Variants in PRKG1 observed in about 807,000 individuals in gnomAD.
PRKG1 encodes the protein cGMP-dependent protein kinase 1.
In PRKG1, 35 loss-of-function variants were observed where a neutral mutation model predicts 88.1. That is an observed-to-expected ratio of 0.40 (90% CI 0.30 to 0.53). PRKG1 has a LOEUF of 0.53. Ranked by LOEUF, PRKG1 falls within the 20% of genes least tolerant of loss-of-function variation. PRKG1 has a pLI of 0.59. For missense variants in PRKG1, 540 were observed against 839.8 expected, an observed-to-expected ratio of 0.64 and a Z score of 4.41; for synonymous variants, 303 against 292.5, an observed-to-expected ratio of 1.04 and a Z score of -0.37.
intron 9 of PRKG1, among the ~76,000 whole-genome samples, chr10:52,199,520 A>G (rs1187000480): frequency 6.6e-6 from 1 of 152,158 alleles, no homozygotes; most frequent in East Asian, 1.9e-4. Flanking sequence ...GAAAATTCCC[A>G]AAGAATGTAT....
intron 3 of PRKG1, among the ~76,000 whole-genome samples, chr10:51,659,849 T>G (rs1273284346): frequency 6.6e-6 from 1 of 152,092 alleles, no homozygotes; most frequent in Non-Finnish European, 1.5e-5. Context: ...ACTATAGCAG[T>G]GCTGACCAGT....
intron 5 of PRKG1, among the ~76,000 whole-genome samples, chr10:52,002,008 G>A (rs1008621070): frequency 6.6e-6 from 1 of 151,566 alleles, no homozygotes; most frequent in African/African-American, 2.4e-5. Context: ...TCCATGAAAA[G>A]GAAAGGAAAA....
chr10:51,912,757 C>T (rs1312627358), intron 5 of PRKG1, among the ~76,000 whole-genome samples: 1 of 151,948 alleles, frequency 6.6e-6, no homozygotes, highest in East Asian at 1.9e-4. Flanking sequence ...GTGATTTCTG[C>T]CATGGCCCAC....
intron 3 of PRKG1, among the ~76,000 whole-genome samples, chr10:51,747,971 G>T (rs1371716901): frequency 1.3e-5 from 2 of 152,194 alleles, no homozygotes; most frequent in African/African-American, 4.8e-5. Context: ...TTGAGGCCAA[G>T]TGAGGCCCTT....
intron 2 of PRKG1, among the ~76,000 whole-genome samples, chr10:51,200,630 T>C (rs1014393176): frequency 2.0e-5 from 3 of 152,242 alleles, no homozygotes; most frequent in Non-Finnish European, 4.4e-5. Context: ...TCATACATTG[T>C]TGGCACCCAA....
chr10:52,062,242 G>A (rs886642535), intron 6 of PRKG1, among the ~76,000 whole-genome samples: 1 of 152,076 alleles, frequency 6.6e-6, no homozygotes, highest in Non-Finnish European at 1.5e-5. Flanking sequence ...TATAGTGGTT[G>A]CTTCATAAAG....
intron 9 of PRKG1, among the ~76,000 whole-genome samples, chr10:52,167,590 T>G (rs1838520724): frequency 1.3e-5 from 2 of 151,794 alleles, no homozygotes; most frequent in Admixed American, 1.3e-4. Context: ...ATTCAATGTA[T>G]TTTGCTTTTA....
At chr10:52,276,121 C>T (rs145446593) in intron 12 of PRKG1, among the ~76,000 whole-genome samples, 329 of 152,152 alleles carry the variant, frequency 2.2e-3, no homozygotes, top group Middle Eastern at 6.8e-3. Flanking sequence ...ACGGTTATAT[C>T]GTCAGCAAAC....
At chr10:51,605,126 C>T (rs1028796442) in intron 3 of PRKG1, among the ~76,000 whole-genome samples, 1 of 152,178 alleles carries the variant, frequency 6.6e-6, no homozygotes, top group African/African-American at 2.4e-5. Flanking sequence ...GTTGTTCTGC[C>T]ATCACTGGTC....
At chr10:51,084,106 G>A (rs1168132266) in intron 1 of PRKG1, among the ~76,000 whole-genome samples, 1 of 152,176 alleles carries the variant, frequency 6.6e-6, no homozygotes, top group African/African-American at 2.4e-5. Flanking sequence ...AAACAGAATA[G>A]ATGTAATAAG....
chr10:52,082,234 G>T (rs1472021460), intron 7 of PRKG1, among the ~76,000 whole-genome samples: 2 of 152,224 alleles, frequency 1.3e-5, no homozygotes, highest in East Asian at 3.9e-4. Context: ...CTCCCATTGG[G>T]TCCCTCCCGC....
intron 4 of PRKG1, among the ~76,000 whole-genome samples, chr10:51,835,192 C>T (rs1296732809): frequency 7.9e-5 from 12 of 152,150 alleles, no homozygotes; most frequent in Admixed American, 1.3e-4. Context: ...CAATAGCTTC[C>T]GAAGTCTCTG....
chr10:51,646,586 G>T (rs542208636), intron 3 of PRKG1, among the ~76,000 whole-genome samples: 2 of 151,956 alleles, frequency 1.3e-5, no homozygotes, highest in Non-Finnish European at 2.9e-5. Flanking sequence ...TTTATGGACA[G>T]TTACATTAAA....
intron 1 of PRKG1, among the ~76,000 whole-genome samples, chr10:51,104,839 CCTG>C (rs564633646): frequency 1.9e-3 from 290 of 152,078 alleles, no homozygotes; most frequent in African/African-American, 5.3e-3. Context: ...AAGTGATTCT[CCTG>C]CCTCAGCCTC....
At chr10:51,942,343 T>C (rs1376635222) in intron 5 of PRKG1, among the ~76,000 whole-genome samples, 30 of 152,050 alleles carry the variant, frequency 2.0e-4, no homozygotes, top group Non-Finnish European at 4.3e-4. Context: ...TTGTAGATTC[T>C]AGATATTAGC....
chr10:51,740,067 G>A (rs1023075402), intron 3 of PRKG1, among the ~76,000 whole-genome samples: 2 of 151,932 alleles, frequency 1.3e-5, no homozygotes, highest in Non-Finnish European at 2.9e-5. Flanking sequence ...TCACTCAATC[G>A]CCCAGGCTGG....
At chr10:51,032,879 ATAG>A (rs1843302322) in intron 1 of PRKG1, among the ~76,000 whole-genome samples, 1 of 152,104 alleles carries the variant, frequency 6.6e-6, no homozygotes, top group South Asian at 2.1e-4. Context: ...TTGTGGGTAT[ATAG>A]TAGATGTATA....
chr10:51,093,224 T>C (rs373583566), intron 1 of PRKG1, among the ~76,000 whole-genome samples: 19 of 152,154 alleles, frequency 1.2e-4, no homozygotes, highest in African/African-American at 4.3e-4. Flanking sequence ...ACTCTTTGAA[T>C]CAGAAACTCT....
At chr10:52,239,498 T>G (rs1214277973) in intron 9 of PRKG1, among the ~76,000 whole-genome samples, 1 of 10,388 alleles carries the variant, frequency 9.6e-5, no homozygotes, top group African/African-American at 3.9e-4. Flanking sequence ...AAAATAAAAA[T>G]AAAAATAAAA....
Sources: gnomAD v4.1 joint callset for allele counts (sites outside exome capture counted in the v4.1 genomes callset) on GRCh38, gnomAD v4.1.1 for gene constraint, MANE v1.5 for transcripts, NCBI Gene and HGNC (gene_info 2026-07-23, HGNC 2026-07-21) for gene names.